COLEC12: variants seen among roughly 807,000 people sequenced by gnomAD.
The protein encoded by COLEC12 is collectin subfamily member 12.
In COLEC12, 33 loss-of-function variants were observed where a neutral mutation model predicts 71.1. The ratio of observed to expected loss-of-function variants is 0.46; its 90% CI spans 0.35 to 0.62. The LOEUF (loss-of-function observed/expected upper bound fraction) is 0.62, where lower values mean the gene tolerates loss of function less well. Ranked by LOEUF, COLEC12 falls within the 20% of genes least tolerant of loss-of-function variation. The pLI is 0.00. For synonymous variants in COLEC12, 350 were observed against 353.0 expected (o/e 0.99, Z 0.10); for missense variants, 765 against 916.1 (o/e 0.84, Z 2.13).
intron 2 of COLEC12, among the ~76,000 whole-genome samples, chr18:433,963 C>CAA (rs11395419): frequency 0.23 from 29,880 of 129,950 alleles, 4,249 homozygotes; most frequent in East Asian, 0.6. Context: ...GACCCTGCCT[C>CAA]AAAAAAAAAA....
intron 2 of COLEC12, among the ~76,000 whole-genome samples, chr18:468,123 G>A (rs928977436): frequency 3.9e-5 from 6 of 152,018 alleles, no homozygotes; most frequent in African/African-American, 1.2e-4. Flanking sequence ...TTATCTGGTT[G>A]TGGTGTCATG....
intron 2 of COLEC12, among the ~76,000 whole-genome samples, chr18:455,523 G>C (rs1442488931): frequency 6.6e-6 from 1 of 152,102 alleles, no homozygotes; most frequent in East Asian, 1.9e-4. Context: ...TACATGTGCA[G>C]AATGTACAGG....
intron 2 of COLEC12, among the ~76,000 whole-genome samples, chr18:423,211 G>A (rs905990192): frequency 2.0e-5 from 3 of 152,174 alleles, no homozygotes; most frequent in Non-Finnish European, 2.9e-5. Flanking sequence ...CAAGGCTGCA[G>A]TGAGCCATGA....
chr18:489,002 T>C (rs1256548532), intron 1 of COLEC12, among the ~76,000 whole-genome samples: 53 of 152,058 alleles, frequency 3.5e-4, no homozygotes, highest in Non-Finnish European at 4.3e-4. Context: ...TTCCCAGCAT[T>C]GAAGGACATG....
intron 2 of COLEC12, among the ~76,000 whole-genome samples, chr18:386,137 G>A (rs1194489989): frequency 6.6e-5 from 10 of 152,158 alleles, no homozygotes; most frequent in Admixed American, 6.5e-4. Context: ...TGACCCTTGA[G>A]GGATGGTGCC....
chr18:458,242 T>C (rs1419486620), intron 2 of COLEC12, among the ~76,000 whole-genome samples: 2 of 152,256 alleles, frequency 1.3e-5, no homozygotes, highest in Non-Finnish European at 2.9e-5. Context: ...CTAGCACTCA[T>C]TTCCTAACAT....
chr18:352,343 C>A (rs974259390), intron 3 of COLEC12, among the ~76,000 whole-genome samples: 2 of 152,168 alleles, frequency 1.3e-5, no homozygotes, highest in Non-Finnish European at 2.9e-5. Context: ...AAGTCCTGCC[C>A]TTCTTTCCTG....
chr18:455,890 T>TGCACATTTTCTTTGCCCATTC (rs1310477929), intron 2 of COLEC12, among the ~76,000 whole-genome samples: 10 of 151,926 alleles, frequency 6.6e-5, no homozygotes, highest in African/African-American at 2.4e-4. Flanking sequence ...TTTGCCCATT[T>TGCACATTTTCTTTGCCCATTC]GCACATTTTC....
intron 2 of COLEC12, among the ~76,000 whole-genome samples, chr18:361,280 A>T (rs1914737987): frequency 6.6e-6 from 1 of 151,918 alleles, no homozygotes; most frequent in Non-Finnish European, 1.5e-5. Flanking sequence ...TGCAGTCAGG[A>T]CTCCAACCTG....
intron 2 of COLEC12, among the ~76,000 whole-genome samples, chr18:368,799 G>C (rs1336078926): frequency 6.6e-6 from 1 of 152,214 alleles, no homozygotes; most frequent in Non-Finnish European, 1.5e-5. Flanking sequence ...CCGGGAGGCG[G>C]AGCTTGCAGT....
intron 2 of COLEC12, among the ~76,000 whole-genome samples, chr18:389,108 A>G (rs1171307226): frequency 6.6e-6 from 1 of 152,168 alleles, no homozygotes; most frequent in Non-Finnish European, 1.5e-5. Context: ...GCATTCAGCT[A>G]AAGTAATTTT....
chr18:392,420 G>A (rs1465271479), intron 2 of COLEC12, among the ~76,000 whole-genome samples: 3 of 152,166 alleles, frequency 2.0e-5, no homozygotes, highest in East Asian at 1.9e-4. Flanking sequence ...ATAATCACAC[G>A]ACTCCTGTAC....
At chr18:442,410 G>A (rs1354753597) in intron 2 of COLEC12, among the ~76,000 whole-genome samples, 3 of 152,206 alleles carry the variant, frequency 2.0e-5, no homozygotes, top group African/African-American at 7.2e-5. Flanking sequence ...GGAGCTGTTG[G>A]GAGGCCCAAG....
chr18:397,908 T>C (rs1209010259), intron 2 of COLEC12, among the ~76,000 whole-genome samples: 1 of 151,434 alleles, frequency 6.6e-6, no homozygotes, highest in East Asian at 1.9e-4. Flanking sequence ...CAGAGAAGGA[T>C]AGTTTCACAG....
At position 348,131 on chromosome 18, in the gene COLEC12, T is replaced by C; in HGVS notation, c.214A>G (p.Met72Val). The C allele has an allele frequency of 6.2e-7, 1 of 1,613,916 alleles. No individual in the cohort carries two copies. The highest frequency in any genetic ancestry group is 8.5e-7 in the Non-Finnish European group (1 of 1,179,790). ...TCATAGGTTTGGCGAGATGTTTCCA[T>C]GCCACCTGTGACATTGTCCATTTTC... is the stretch of plus-strand genomic sequence containing the variant. ...VEKMDNVTGG[M>V]ETSRQTYDDK... Residue 72 changes from methionine to valine, a missense_variant, in exon 4 of 10, where the codon ATG (methionine) becomes GTG (valine). By Grantham distance (21) the Met-to-Val change is conservative. Coordinates refer to ENST00000400256, the MANE Select transcript of COLEC12 (RefSeq NM_130386.3).
chr18:467,086 ACT>A (rs1228359057), intron 2 of COLEC12, among the ~76,000 whole-genome samples: 6 of 151,828 alleles, frequency 4.0e-5, no homozygotes, highest in African/African-American at 1.5e-4. Flanking sequence ...AAAATAAAAA[ACT>A]CTAATACACT....
At chr18:365,449 G>A (rs1914834338) in intron 2 of COLEC12, among the ~76,000 whole-genome samples, 1 of 152,174 alleles carries the variant, frequency 6.6e-6, no homozygotes, top group African/African-American at 2.4e-5. Context: ...GCCTTGATCA[G>A]TTTAAGCTTG....
intron 2 of COLEC12, among the ~76,000 whole-genome samples, chr18:389,099 C>T (rs886509173): frequency 2.0e-5 from 3 of 151,980 alleles, no homozygotes; most frequent in Non-Finnish European, 4.4e-5. Flanking sequence ...TAATTGATAG[C>T]ATTCAGCTAA....
chr18:485,183 A>G, intron 1 of COLEC12, among the ~76,000 whole-genome samples: 1 of 152,236 alleles, frequency 6.6e-6, no homozygotes. Flanking sequence ...GTTGTATCCC[A>G]GATTGTCTTT....
Sources: allele counts gnomAD v4.1 joint callset (sites outside exome capture counted in the v4.1 genomes callset), GRCh38; gene constraint gnomAD v4.1.1; transcripts MANE v1.5; gene names NCBI Gene and HGNC (gene_info 2026-07-23, HGNC 2026-07-21).